The following RNF17 variants were observed in gnomAD, a reference collection of about 807,000 sequenced individuals.
The protein encoded by RNF17 is ring finger protein 17.
Under a neutral mutation model 200.5 loss-of-function variants are expected in RNF17, and 31 were observed. That is an observed-to-expected ratio of 0.15 (90% CI 0.12 to 0.21). The LOEUF is 0.21. Among genes scored for constraint, RNF17 ranks in the 10% least tolerant of loss-of-function variants. RNF17 has a pLI of 1.00. For synonymous variants in RNF17, 606 were observed against 637.8 expected (o/e 0.95, Z 0.75); for missense variants, 1,628 against 1,905.1 (o/e 0.85, Z 2.71).
At chr13:24,803,732 C>G (rs1189427285) in intron 14 of RNF17, 2 of 152,444 alleles carry the variant, frequency 1.3e-5, no homozygotes, top group African/African-American at 4.8e-5. Context: ...AGAGACCCTT[C>G]AGCTGACACA....
intron 30 of RNF17, 36 bp downstream of exon 30, chr13:24,866,239 C>T (rs1389758418): frequency 2.6e-6 from 3 of 1,146,010 alleles, no homozygotes; most frequent in East Asian, 2.4e-5. Flanking sequence ...AAACTTTGGA[C>T]ACTTCATTAA....
chr13:24,824,177 A>G (rs1230587366), intron 15 of RNF17: 2 of 710,652 alleles, frequency 2.8e-6, no homozygotes, highest in Admixed American at 4.1e-5. Flanking sequence ...GTTACTGTAA[A>G]CTTTGGATTG....
chr13:24,778,477 C>G, intron 4 of RNF17, 71 bp downstream of exon 4: 1 of 933,616 alleles, frequency 1.1e-6, no homozygotes, highest in Non-Finnish European at 1.7e-6. Context: ...GCTCAACTTT[C>G]TTCTCCTATA....
chr13:24,881,888 AGATAC>A (rs372277417), downstream of RNF17, among the ~76,000 whole-genome samples: 15 of 115,620 alleles, frequency 1.3e-4, no homozygotes, highest in South Asian at 5.3e-4. Flanking sequence ...ATAGATATAT[AGATAC>A]ATCTATATAG....
intron 32 of RNF17, 26 bp from the exon 33 acceptor site, chr13:24,874,087 AT>A: frequency 6.2e-7 from 1 of 1,602,972 alleles, no homozygotes; most frequent in Non-Finnish European, 8.5e-7. Flanking sequence ...AGACAATATG[AT>A]TTTTTCCCTT....
chr13:24,763,305 C>T (rs1022695357), upstream of RNF17, among the ~76,000 whole-genome samples: 1 of 151,564 alleles, frequency 6.6e-6, no homozygotes, highest in African/African-American at 2.4e-5. Flanking sequence ...CAGGTTCACG[C>T]CATTCTCCTG....
chr13:24,793,434 A>C, intron 10 of RNF17, 88 bp downstream of exon 10: 12 of 1,168,758 alleles, frequency 1.0e-5, no homozygotes, highest in East Asian at 2.4e-5. Flanking sequence ...CATTTAACAG[A>C]AATATAATTG....
intron 25 of RNF17, among the ~76,000 whole-genome samples, chr13:24,855,629 T>TAAA (rs1043754821): frequency 7.0e-6 from 1 of 142,702 alleles, no homozygotes. Flanking sequence ...GAGACTCCAT[T>TAAA]AAAAAAAAAA....
At chr13:24,789,453 A>G (rs751100320) in intron 8 of RNF17, 29 bp downstream of exon 8, 2 of 1,425,626 alleles carry the variant, frequency 1.4e-6, no homozygotes, top group East Asian at 4.6e-5. Context: ...AGGAGACCAT[A>G]ACAAGTATAA....
chr13:24,756,572 C>T, the RNF17 span, among the ~76,000 whole-genome samples: 1 of 151,884 alleles, frequency 6.6e-6, no homozygotes, highest in South Asian at 2.1e-4. Flanking sequence ...CTTACTTTCT[C>T]CAGACTTGGG....
At chr13:24,874,520 C>T (rs1488889321) in intron 33 of RNF17, among the ~76,000 whole-genome samples, 2 of 151,718 alleles carry the variant, frequency 1.3e-5, no homozygotes, top group African/African-American at 4.8e-5. Context: ...AGTGATTCTC[C>T]TGCCTCAGCC....
chr13:24,804,152 C>A, intron 14 of RNF17, 136 bp from the exon 15 acceptor site: 3 of 719,256 alleles, frequency 4.2e-6, no homozygotes, highest in Non-Finnish European at 6.8e-6. Flanking sequence ...GTCCCAGCTA[C>A]TTGGGAGGCT....
intron 26 of RNF17, among the ~76,000 whole-genome samples, chr13:24,859,673 G>A (rs756409752): frequency 2.0e-5 from 3 of 151,952 alleles, no homozygotes; most frequent in Non-Finnish European, 2.9e-5. Flanking sequence ...GTAAAGGAAT[G>A]AAATTGATGA....
At chr13:24,782,080 A>G (rs1379473883) in intron 6 of RNF17, 136 bp downstream of exon 6, 4 of 667,336 alleles carry the variant, frequency 6.0e-6, no homozygotes, top group Non-Finnish European at 1.1e-5. Flanking sequence ...CAAGTTTGGA[A>G]GTTGGTAGTC....
At chr13:24,791,642 A>G (rs1431352033) in intron 9 of RNF17, among the ~76,000 whole-genome samples, 3 of 152,172 alleles carry the variant, frequency 2.0e-5, no homozygotes, top group African/African-American at 7.2e-5. Context: ...ATTGTCTCCA[A>G]TGGAAATGGT....
rs1347736052 is a variant in RNF17 at position 24,864,880 on chromosome 13, C to G, written c.3983C>G (p.Pro1328Arg). The G allele has an allele frequency of 6.5e-7, 1 of 1,542,922 alleles. No homozygotes were observed. The change falls in exon 29 of 36, where the codon CCT becomes CGT. Residue 1328 changes from proline (P) to arginine (R), a missense_variant. Physicochemically the swap from Pro to Arg is moderately radical, Grantham distance 103. This residue lies in a region of RNF17 where 609 missense variants were observed against 681.9 expected (regional missense o/e 0.89). Coordinates refer to ENST00000255324, the MANE Select transcript of RNF17 (RefSeq NM_031277.3). ...RQVDIHIMEL[P>R]KNPWEKLSIH... ...TTATTGAACTTTAAATAGGAGTTACCTAAAAATCCATGGGAGAAATTGTCT... is the reference window on the plus strand; with the variant it reads ...TTATTGAACTTTAAATAGGAGTTACGTAAAAATCCATGGGAGAAATTGTCT...
At chr13:24,858,928 A>C (rs762578935) in intron 25 of RNF17, 73 bp from the exon 26 acceptor site, 14 of 968,518 alleles carry the variant, frequency 1.4e-5, no homozygotes, top group Non-Finnish European at 2.0e-5. Flanking sequence ...ACTACTGAAG[A>C]AATGAAGTTA....
intron 19 of RNF17, 88 bp downstream of exon 19, chr13:24,842,249 A>G: frequency 1.7e-6 from 2 of 1,191,618 alleles, no homozygotes; most frequent in Non-Finnish European, 2.4e-6. Flanking sequence ...ATCATTCCCC[A>G]TTGGAGATGA....
chr13:24,852,908 CATTG>C (rs3039519), intron 24 of RNF17, among the ~76,000 whole-genome samples: 15 of 151,610 alleles, frequency 9.9e-5, no homozygotes, highest in Admixed American at 2.0e-4. Flanking sequence ...GCTTTATTTC[CATTG>C]ATTGATTGAT....
Sources: allele counts gnomAD v4.1 joint callset (sites outside exome capture counted in the v4.1 genomes callset), GRCh38; gene constraint gnomAD v4.1.1; regional missense constraint gnomAD v4.1.1; transcripts MANE v1.5; gene names NCBI Gene and HGNC (gene_info 2026-07-23, HGNC 2026-07-21).